Variants in RBM26 observed in about 807,000 individuals in gnomAD.
RBM26 encodes the protein RNA binding motif protein 26.
RBM26 carries 30 observed loss-of-function variants against 123.6 expected under a neutral mutation model. That is an observed-to-expected ratio of 0.24 (90% CI 0.18 to 0.33). The LOEUF is 0.33. Among genes scored for constraint, RBM26 ranks in the 10% least tolerant of loss-of-function variants. RBM26 has a pLI of 1.00. For missense variants in RBM26, 947 were observed against 1,203.6 expected (o/e 0.79, Z 3.15); for synonymous variants, 400 against 404.4 (o/e 0.99, Z 0.13).
rs748531934 is a variant in RBM26, at chr13:79,377,305, G to C, written c.327+74C>G. ...CTGAGGACTCCAACACAAAGATATA[G>C]AAGATAAAAACTCAGTTTGGTTATT... On this transcript the variant is annotated intron_variant, in intron 3 of 21. Coordinates refer to ENST00000438737, the MANE Select transcript of RBM26 (RefSeq NM_001366735.2). 4 of 1,328,564 alleles carry C rather than the reference G, an allele frequency of 3.0e-6. No individual in the cohort carries two copies. In the African/African-American group the frequency reaches 5.8e-5, roughly 19 times the overall value. The allele number at this position is 1,328,564 out of a possible 1,614,324, so 82.3% of individuals were successfully genotyped here.
At chr13:79,321,756 G>A (rs1247073011) in intron 21 of RBM26, among the ~76,000 whole-genome samples, 1 of 151,220 alleles carries the variant, frequency 6.6e-6, no homozygotes, top group Non-Finnish European at 1.5e-5. Flanking sequence ...AAAATTTTTG[G>A]GATGGAAACA....
intron 4 of RBM26, among the ~76,000 whole-genome samples, chr13:79,371,575 A>G (rs532828754): frequency 1.1e-4 from 16 of 152,164 alleles, no homozygotes; most frequent in African/African-American, 3.6e-4. Flanking sequence ...AAAAAAAAAC[A>G]CCCACACATT....
In RBM26 at chr13:79,319,184, C is replaced by T. The variant is rs2067415015; in HGVS notation, c.*1437G>A. 1.0e-6 allele frequency: 1 copy of T among 984,616 alleles called. No homozygotes were observed. Among genetic ancestry groups the T allele is most frequent in the Non-Finnish European group, 1.2e-6 (1 of 829,406 alleles). The allele number at this position is 984,616 out of a possible 1,614,324, so 61.0% of individuals were successfully genotyped here. On this transcript the variant is annotated 3_prime_UTR_variant, in exon 22 of 22. Transcript: ENST00000438737. ...AGAACAGCATCCTTAAGTTACTCCA[C>T]TGGCAGAAGACTATGGTGGTGGTGG...
intron 2 of RBM26, among the ~76,000 whole-genome samples, chr13:79,377,815 G>C (rs1158553752): frequency 6.6e-6 from 1 of 152,134 alleles, no homozygotes; most frequent in Admixed American, 6.5e-5. Context: ...GGCTGAGGCA[G>C]GAGAATCACT....
chr13:79,337,856 T>G (rs1303340078), intron 18 of RBM26, among the ~76,000 whole-genome samples: 1 of 152,206 alleles, frequency 6.6e-6, no homozygotes, highest in Non-Finnish European at 1.5e-5. Flanking sequence ...AAATACTTAA[T>G]GTGCACTTTC....
intron 20 of RBM26, among the ~76,000 whole-genome samples, chr13:79,328,091 T>C (rs2068714203): frequency 1.3e-5 from 2 of 152,292 alleles, no homozygotes; most frequent in South Asian, 2.1e-4. Flanking sequence ...AGTATTATTA[T>C]GTTCATTCTC....
intron 1 of RBM26, among the ~76,000 whole-genome samples, chr13:79,391,960 ATAAT>A (rs1489971233): frequency 2.0e-5 from 3 of 146,436 alleles, no homozygotes; most frequent in East Asian, 2.0e-4. Context: ...ACAAGAATAC[ATAAT>A]TATTATATAA....
At chr13:79,398,767 A>G (rs941341908) in intron 1 of RBM26, among the ~76,000 whole-genome samples, 1 of 152,224 alleles carries the variant, frequency 6.6e-6, no homozygotes, top group Non-Finnish European at 1.5e-5. Flanking sequence ...GTAAAAATGG[A>G]AAGAAGTAGA....
chr13:79,405,656 C>G (rs752335401), intron 1 of RBM26, 48 bp downstream of exon 1: 1 of 1,369,262 alleles, frequency 7.3e-7, no homozygotes, highest in Admixed American at 1.8e-5. Flanking sequence ...CTGGGTCCGC[C>G]TATCTCCCAC....
At chr13:79,369,388 TA>T (rs34845368) in intron 5 of RBM26, among the ~76,000 whole-genome samples, 150,307 of 152,310 alleles carry the variant, frequency 0.99, 74,207 homozygotes, top group East Asian at 1. Context: ...CAATGGCTGT[TA>T]TATTAAGATA....
At chr13:79,346,233 C>T (rs1266433972) in intron 14 of RBM26, among the ~76,000 whole-genome samples, 2 of 152,108 alleles carry the variant, frequency 1.3e-5, no homozygotes, top group African/African-American at 4.8e-5. Flanking sequence ...GGGAACATCA[C>T]AAATCGCTAT....
chr13:79,320,240 T>A lies in RBM26; in HGVS notation c.*381A>T. The A allele has an allele frequency of 1.0e-6, 1 of 967,316 alleles. No homozygotes were observed. Among genetic ancestry groups the A allele is most frequent in the South Asian group, 4.7e-5 (1 of 21,138 alleles). 59.9% of individuals were successfully genotyped at this position (967,316 alleles called of 1,614,324 possible). ...GTTTTGAAAACATTCATTAAGATTT[T>A]AAATGCAAATTCATTCCTTATTTGG... is the stretch of plus-strand genomic sequence containing the variant. On this transcript the variant is annotated 3_prime_UTR_variant, in exon 22 of 22. Coordinates refer to ENST00000438737, the MANE Select transcript of RBM26 (RefSeq NM_001366735.2).
At chr13:79,330,215 TACAC>T (rs2069081716) in intron 20 of RBM26, among the ~76,000 whole-genome samples, 2 of 152,192 alleles carry the variant, frequency 1.3e-5, no homozygotes, top group African/African-American at 4.8e-5. Context: ...TATTTATTCT[TACAC>T]ACATTCATTC....
In RBM26 at chr13:79,342,656, T is replaced by TG; in HGVS notation, c.2427+7_2427+8insC. Reference sequence around the variant, plus strand: ...AGTAATAATATGAACAACAATGAAATTAAATACCTGAGTCTTGGTTTTTAT... The same window carrying TG: ...AGTAATAATATGAACAACAATGAAATGTAAATACCTGAGTCTTGGTTTTTAT... On this transcript the variant is annotated splice_region_variant and intron_variant, in intron 17 of 21. Coordinates refer to ENST00000438737, the MANE Select transcript of RBM26 (RefSeq NM_001366735.2). 18 of 1,446,218 alleles carry TG rather than the reference T, an allele frequency of 1.2e-5. No homozygotes were observed. The highest frequency in any genetic ancestry group is 1.6e-5 in the Non-Finnish European group (18 of 1,101,250). 89.6% of individuals were successfully genotyped at this position (1,446,218 alleles called of 1,614,324 possible). A position where few individuals can be genotyped will look rare whatever the true frequency, so the allele number is the denominator to read the frequency against.
intron 16 of RBM26, among the ~76,000 whole-genome samples, chr13:79,343,097 C>T (rs1015486925): frequency 6.6e-6 from 1 of 151,670 alleles, no homozygotes; most frequent in African/African-American, 2.4e-5. Flanking sequence ...TTGAAGCACA[C>T]AACCAGAAGA....
At chr13:79,329,819 AAT>A (rs1455727522) in intron 20 of RBM26, among the ~76,000 whole-genome samples, 2 of 152,186 alleles carry the variant, frequency 1.3e-5, no homozygotes, top group African/African-American at 4.8e-5. Context: ...GATATTTAGG[AAT>A]ATAATTTTTA....
chr13:79,389,822 A>G (rs1359288718), intron 1 of RBM26, among the ~76,000 whole-genome samples: 3 of 152,174 alleles, frequency 2.0e-5, no homozygotes, highest in Non-Finnish European at 4.4e-5. Flanking sequence ...TTTTTCCCCT[A>G]AAAAGTAATA....
At chr13:79,367,856 A>G (rs2075471836) in intron 6 of RBM26, among the ~76,000 whole-genome samples, 1 of 152,144 alleles carries the variant, frequency 6.6e-6, no homozygotes, top group Non-Finnish European at 1.5e-5. Context: ...CACACAAATG[A>G]AAATAACCTA....
At chr13:79,356,261 C>T (rs757928362) in intron 11 of RBM26, among the ~76,000 whole-genome samples, 15 of 150,180 alleles carry the variant, frequency 1.0e-4, no homozygotes, top group Admixed American at 3.4e-4. Context: ...CCCAGCTACT[C>T]GGGACGCTGA....
Sources: gnomAD v4.1 joint callset for allele counts (sites outside exome capture counted in the v4.1 genomes callset) on GRCh38, gnomAD v4.1.1 for gene constraint, MANE v1.5 for transcripts, NCBI Gene and HGNC (gene_info 2026-07-23, HGNC 2026-07-21) for gene names.